Variants in LAMA1 observed in about 807,000 individuals in gnomAD.
LAMA1 encodes the protein laminin subunit alpha-1.
LAMA1 carries 219 observed loss-of-function variants against 348.7 expected under a neutral mutation model. The observed-to-expected ratio is 0.63, with a 90% CI of 0.56 to 0.70. LAMA1 has a LOEUF of 0.70. Among genes scored for constraint, LAMA1 ranks in the 30% least tolerant of loss-of-function variants. The probability of loss-of-function intolerance (pLI) is 0.00; values close to 1 mark genes in which losing one functional copy is unlikely to be tolerated. For missense variants in LAMA1, 3,744 were observed against 3,888.0 expected (o/e 0.96, Z 0.99); for synonymous variants, 1,487 against 1,491.0 (o/e 1.00, Z 0.06).
rs545905395 is a variant in LAMA1 at position 7,032,268 on chromosome 18, C to T, written c.2164-92G>A. Reference sequence around the variant, plus strand: ...GTACAGAAATGTCTTTTTTCTTAAACATCTTAACTGAGGTATCATTTACAT... The same window carrying T: ...GTACAGAAATGTCTTTTTTCTTAAATATCTTAACTGAGGTATCATTTACAT... On this transcript the variant is annotated intron_variant, in intron 15 of 62. Coordinates refer to ENST00000389658, the MANE Select transcript of LAMA1 (RefSeq NM_005559.4). 3.7e-5 allele frequency: 29 copies of T among 783,464 alleles called. No individual in the cohort carries two copies. In the African/African-American group the frequency reaches 4.1e-4, roughly 11 times the overall value. 48.5% of individuals were successfully genotyped at this position (783,464 alleles called of 1,614,324 possible).
At chr18:7,006,385 A>G (rs1334498026) in intron 29 of LAMA1, among the ~76,000 whole-genome samples, 4 of 151,816 alleles carry the variant, frequency 2.6e-5, no homozygotes, top group African/African-American at 9.7e-5. Flanking sequence ...TTTTTAAAAA[A>G]TGCAAGGAGA....
intron 36 of LAMA1, among the ~76,000 whole-genome samples, chr18:6,991,220 G>A (rs971945569): frequency 2.6e-5 from 4 of 151,748 alleles, no homozygotes; most frequent in Admixed American, 6.6e-5. Flanking sequence ...AATCAACAAC[G>A]TCAAAAATTA....
At chr18:6,968,833 G>A (rs568089047) in intron 48 of LAMA1, among the ~76,000 whole-genome samples, 1 of 152,260 alleles carries the variant, frequency 6.6e-6, no homozygotes, top group Non-Finnish European at 1.5e-5. Context: ...AGAGTAAACA[G>A]TCAAAAATTT....
chr18:7,110,021 A>G (rs2058329482), intron 1 of LAMA1, among the ~76,000 whole-genome samples: 2 of 152,106 alleles, frequency 1.3e-5, no homozygotes, highest in Admixed American at 1.3e-4. Flanking sequence ...GTTTCTACTA[A>G]AATACAAAAA....
chr18:7,078,076 A>AAAC (rs1230633720), intron 3 of LAMA1, among the ~76,000 whole-genome samples: 10 of 150,774 alleles, frequency 6.6e-5, no homozygotes, highest in African/African-American at 2.4e-4. Context: ...AAAAAAAAAA[A>AAAC]AAAACAAAAA....
rs1399511397 is a variant in LAMA1, at chr18:6,986,083, T to A, written c.5379+54A>T. 7.5e-6 allele frequency: 12 copies of A among 1,591,654 alleles called. No homozygotes were observed. The Admixed American group carries it at 1.8e-4, about 24-fold the overall frequency. ...AGGGCTCACTTTTAATTGCTTACGT[T>A]GGAGTATTTTGTTACCTGTTCTAAT... On this transcript the variant is annotated intron_variant, in intron 37 of 62. Transcript: ENST00000389658.
intron 1 of LAMA1, among the ~76,000 whole-genome samples, chr18:7,103,818 T>TA (rs879567305): frequency 9.3e-4 from 132 of 142,124 alleles, no homozygotes; most frequent in Middle Eastern, 3.7e-3. Context: ...GACTCCGTCT[T>TA]AAAAAAAAAA....
At chr18:7,025,448 C>T (rs534316737) in intron 17 of LAMA1, among the ~76,000 whole-genome samples, 1 of 152,214 alleles carries the variant, frequency 6.6e-6, no homozygotes, top group Non-Finnish European at 1.5e-5. Context: ...ACTACAGTCA[C>T]GACCACACTG....
chr18:6,999,315 G>A, intron 32 of LAMA1, 130 bp downstream of exon 32: 1 of 938,412 alleles, frequency 1.1e-6, no homozygotes, highest in Non-Finnish European at 1.6e-6. Context: ...TCTATGCTTA[G>A]AAAATAAGAA....
rs760911885 is a variant in LAMA1, at chr18:6,973,089, T to C, written c.6742A>G (p.Met2248Val). 8 of 1,614,208 alleles carry C rather than the reference T, an allele frequency of 5.0e-6. No individual in the cohort carries two copies. The East Asian group carries it at 1.8e-4, about 36-fold the overall frequency. The change falls in exon 47 of 63, where the codon ATG (methionine) becomes GTG (valine). Residue 2248 changes from methionine to valine, a missense_variant. Around this residue, in one of 3 missense-constraint regions of LAMA1, gnomAD observed 1,983 missense variants for 1,934.3 expected, o/e 1.03. Transcript: ENST00000389658. ...NVLDVNNSTL[M>V]FVGGLGGQIK... ...TGTCCTCCAAGACCTCCAACAAACA[T>C]GAGTGTTGAATTGTTTACATCCAGA...
intron 34 of LAMA1, 78 bp from the exon 35 acceptor site, chr18:6,993,830 ATTCCACTG>A: frequency 3.6e-6 from 3 of 836,784 alleles, no homozygotes; most frequent in Non-Finnish European, 6.3e-6. Context: ...AAGTTGTAAT[ATTCCACTG>A]TTGCCGCTTA....
intron 11 of LAMA1, 81 bp from the exon 12 acceptor site, chr18:7,037,832 C>A (rs2058002406): frequency 2.1e-6 from 3 of 1,421,708 alleles, no homozygotes; most frequent in African/African-American, 2.8e-5. Flanking sequence ...AATATTTTCA[C>A]AATGAAGAAA....
intron 16 of LAMA1, among the ~76,000 whole-genome samples, chr18:7,028,658 C>T (rs8084842): frequency 0.015 from 2,355 of 152,280 alleles, 59 homozygotes; most frequent in African/African-American, 0.054. Context: ...TAGATTTATA[C>T]CAGCGAATGA....
At position 6,999,502 on chromosome 18, in the gene LAMA1, C is replaced by T; in HGVS notation, c.4606G>A (p.Gly1536Arg). 3 of 1,614,100 alleles carry T rather than the reference C, an allele frequency of 1.9e-6. No homozygotes were observed. The highest frequency in any genetic ancestry group is 1.7e-6 in the Non-Finnish European group (2 of 1,180,032). The change falls in exon 32 of 63, where the codon GGG (glycine) becomes AGG (arginine). Residue 1536 changes from glycine to arginine, a missense_variant. Physicochemically the swap from Gly to Arg is moderately radical, Grantham distance 125 (BLOSUM62 -2). Around this residue, in one of 3 missense-constraint regions of LAMA1, gnomAD observed 1,983 missense variants for 1,934.3 expected, o/e 1.03. Transcript: ENST00000389658. ...GQCVCRLGAS[G>R]LRCDECEPRH... ...GGTTCACACTCATCGCACCGGAGCC[C>T]CGAGGCCCCCAGCCTGCAAACGCAC...
At chr18:6,960,470 C>A (rs909024371) in intron 53 of LAMA1, 1 of 151,864 alleles carries the variant, frequency 6.6e-6, no homozygotes, top group Non-Finnish European at 1.5e-5. Flanking sequence ...TCCATCTATA[C>A]AGCCGGAAAG....
chr18:7,010,433 CA>C (rs1366958810), intron 25 of LAMA1, 48 bp from the exon 26 acceptor site: 68 of 1,552,456 alleles, frequency 4.4e-5, no homozygotes, highest in Non-Finnish European at 6.0e-5. Context: ...AGCTTTCATT[CA>C]AAAACATTTT....
At position 6,948,952 on chromosome 18, in the gene LAMA1, CTG is replaced by C. The variant is rs1162953643; in HGVS notation, c.8556+147_8556+148del. On this transcript the variant is annotated intron_variant, in intron 59 of 62. Transcript: ENST00000389658. ...CTGAGGGGCGGCCCTGGCACACGATCTGTGGACATGCCTGCAAAGTAAACCTC... is the reference window on the plus strand; with the variant it reads ...CTGAGGGGCGGCCCTGGCACACGATCTGGACATGCCTGCAAAGTAAACCTC... 4.9e-6 allele frequency: 5 copies of C among 1,022,710 alleles called. No homozygotes were observed. In the African/African-American group the frequency reaches 8.0e-5, roughly 16 times the overall value. The allele number at this position is 1,022,710 out of a possible 1,614,324, so 63.4% of individuals were successfully genotyped here.
At position 6,956,696 on chromosome 18, in the gene LAMA1, C is replaced by G. The variant is rs554545286; in HGVS notation, c.8034G>C (p.Arg2678Ser). The G allele has an allele frequency of 6.2e-7, 1 of 1,614,220 alleles. No homozygotes were observed. Among genetic ancestry groups the G allele is most frequent in the East Asian group, 2.2e-5 (1 of 44,888 alleles). ...VDLDTCWLSE[R>S]PKLAPDAEDS... ...CCTCTGCATCGGGAGCCAGCTTAGG[C>G]CTTTCTGACAGCCAGCAGGTGTCCA... The change falls in exon 56 of 63, where the codon AGG becomes AGC. Residue 2678 changes from arginine (R) to serine (S), a missense_variant. Coordinates refer to ENST00000389658, the MANE Select transcript of LAMA1 (RefSeq NM_005559.4).
chr18:7,114,385 C>CT (rs1271913144), intron 1 of LAMA1, among the ~76,000 whole-genome samples: 1 of 152,208 alleles, frequency 6.6e-6, no homozygotes, highest in East Asian at 1.9e-4. Context: ...AGTGACAGGT[C>CT]TGGCATTTGA....
Sources: gnomAD v4.1 joint callset for allele counts (sites outside exome capture counted in the v4.1 genomes callset) on GRCh38, gnomAD v4.1.1 for gene constraint, gnomAD v4.1.1 regional missense constraint, MANE v1.5 for transcripts, NCBI Gene and HGNC (gene_info 2026-07-23, HGNC 2026-07-21) for gene names.